Variants in ATF1 observed in about 807,000 individuals in gnomAD.
The protein encoded by ATF1 is activating transcription factor 1.
Under a neutral mutation model 34.7 loss-of-function variants are expected in ATF1, and 16 were observed. The ratio of observed to expected loss-of-function variants is 0.46; its 90% confidence interval spans 0.31 to 0.70. The LOEUF is 0.70. Ranked by LOEUF, ATF1 falls within the 30% of genes least tolerant of loss-of-function variation. ATF1 has a pLI of 0.05. For synonymous variants in ATF1, 105 were observed against 113.1 expected, an observed-to-expected ratio of 0.93 and a Z score of 0.46; for missense variants, 255 against 321.6, an observed-to-expected ratio of 0.79 and a Z score of 1.58.
At chr12:50,794,728 A>G (rs893068148) in intron 2 of ATF1, among the ~76,000 whole-genome samples, 3 of 151,632 alleles carry the variant, frequency 2.0e-5, no homozygotes, top group Non-Finnish European at 4.4e-5. Context: ...GACACCAGCC[A>G]GGGTAACATA....
intron 3 of ATF1, 125 bp from the exon 4 acceptor site, chr12:50,809,331 G>C (rs1021229046): frequency 1.3e-6 from 1 of 798,384 alleles, no homozygotes; most frequent in East Asian, 2.9e-5. Context: ...CCATGATGGC[G>C]CCACTGTACT....
rs752793237 is a variant in ATF1 at position 50,795,960 on chromosome 12, G to A, written c.145G>A (p.Gly49Ser). Residue 49 changes from glycine (G) to serine (S), a missense_variant, in exon 3 of 7, where the codon GGC becomes AGC. This residue lies in a region of ATF1 where 221 missense variants were observed against 250.7 expected (regional missense o/e 0.88). Coordinates refer to ENST00000262053, the MANE Select transcript of ATF1 (RefSeq NM_005171.5). ...GTCCCAGGACTCATCCGACAGCATA[G>A]GCTCCTCACAGAAAGCCCACGGGAT... ...EESQDSSDSI[G>S]SSQKAHGILA... The A allele has an allele frequency of 1.9e-6, 3 of 1,612,938 alleles. No homozygotes were observed. The South Asian group carries it at 3.3e-5, about 18-fold the overall frequency.
In ATF1 at chr12:50,765,922, A is replaced by G. The variant is rs1029134427; in HGVS notation, c.-7+1615A>G. ...ATAACAGTAAAAAGGGGTAACCAGC[A>G]GCCCTTGGGGCTGCTCTGTCTATGG... On this transcript the variant is annotated intron_variant, in intron 1 of 6. Coordinates refer to ENST00000262053, the MANE Select transcript of ATF1 (RefSeq NM_005171.5). 5.3e-5 allele frequency among the ~76,000 whole-genome samples: 8 copies of G among 152,336 alleles called. No individual in the cohort carries two copies. The East Asian group carries it at 1.5e-3, about 29-fold the overall frequency.
intron 3 of ATF1, among the ~76,000 whole-genome samples, chr12:50,804,810 CTTT>C (rs57912155): frequency 7.0e-6 from 1 of 142,824 alleles, no homozygotes. Flanking sequence ...CCAACAAGAT[CTTT>C]TTTTTTTTTT....
intron 2 of ATF1, among the ~76,000 whole-genome samples, chr12:50,785,738 T>C (rs956884231): frequency 1.3e-5 from 2 of 152,124 alleles, no homozygotes; most frequent in Non-Finnish European, 2.9e-5. Context: ...AGTTTTTTGG[T>C]TGGTTCTTGG....
intron 2 of ATF1, among the ~76,000 whole-genome samples, chr12:50,788,587 A>T (rs141511040): frequency 0.01 from 1,588 of 151,788 alleles, 29 homozygotes; most frequent in African/African-American, 0.037. Context: ...CCCTCCAGTG[A>T]TCCTCCTGCC....
chr12:50,763,622 A>AAAAAAG (rs1940544334), upstream of ATF1: 1 of 150,122 alleles, frequency 6.7e-6, no homozygotes, highest in African/African-American at 2.4e-5. Flanking sequence ...TCTCGGAAAA[A>AAAAAAG]AAAAAGAGAC....
intron 6 of ATF1, among the ~76,000 whole-genome samples, 161 bp downstream of exon 6, chr12:50,814,600 A>G (rs1009022324): frequency 6.6e-6 from 1 of 152,170 alleles, no homozygotes; most frequent in Non-Finnish European, 1.5e-5. Flanking sequence ...TAAAATTATA[A>G]TGGAGCTAAA....
intron 3 of ATF1, among the ~76,000 whole-genome samples, chr12:50,800,427 A>G (rs1184582882): frequency 1.3e-5 from 2 of 152,228 alleles, no homozygotes; most frequent in African/African-American, 2.4e-5. Context: ...TATCTGGGCA[A>G]ATATAATGGA....
chr12:50,789,789 A>G (rs570107364), intron 2 of ATF1, among the ~76,000 whole-genome samples: 12 of 152,208 alleles, frequency 7.9e-5, no homozygotes, highest in Non-Finnish European at 1.6e-4. Flanking sequence ...TTGGGGGACC[A>G]GGTCCTCCCT....
chr12:50,811,525 C>T (rs1941736819), intron 4 of ATF1, among the ~76,000 whole-genome samples: 1 of 150,362 alleles, frequency 6.7e-6, no homozygotes, highest in Non-Finnish European at 1.5e-5. Flanking sequence ...AGTTCATGTC[C>T]GTAATCTCAG....
At chr12:50,807,630 AG>A (rs1268414668) in intron 3 of ATF1, among the ~76,000 whole-genome samples, 1 of 152,004 alleles carries the variant, frequency 6.6e-6, no homozygotes, top group East Asian at 1.9e-4. Flanking sequence ...TTTCATTCTA[AG>A]GGCTTTCTTT....
chr12:50,771,149 GCACA>G (rs1940760562), intron 1 of ATF1, among the ~76,000 whole-genome samples: 1 of 152,020 alleles, frequency 6.6e-6, no homozygotes, highest in South Asian at 2.1e-4. Context: ...AGAATTACAG[GCACA>G]CATCACAACG....
Position 50,764,529 on chromosome 12 carries a change from C to T in ATF1, c.-7+222C>T, listed in dbSNP as rs949767814. On this transcript the variant is annotated intron_variant, in intron 1 of 6. Coordinates refer to ENST00000262053, the MANE Select transcript of ATF1 (RefSeq NM_005171.5). ...CTGCGCCCTTCCAGTCGTGCGTCTC[C>T]TCCTTTCCCTCGCCCCCAAATAAAA... 36 of 152,322 alleles carry T rather than the reference C, an allele frequency of 2.4e-4. 1 individual carries two copies. Among genetic ancestry groups the T allele is most frequent in the Admixed American group, 7.9e-4 (12 of 15,280 alleles). The allele number at this position is 152,322 out of a possible 1,614,324, so 9.4% of individuals were successfully genotyped here.
chr12:50,818,670 C>T lies in ATF1; in HGVS notation c.672-965C>T, dbSNP rs187559542. Among the ~76,000 whole-genome samples the T allele has an allele frequency of 6.2e-4, 95 of 152,230 alleles. 1 individual carries two copies. The East Asian group carries it at 0.017, about 28-fold the overall frequency. On this transcript the variant is annotated intron_variant, in intron 6 of 6. Transcript: ENST00000262053. ...TGTTGCCCAGGGTGGAGTGCAGTGG[C>T]GCGATCTTGGCTCACTGCAACCTCC...
intron 3 of ATF1, among the ~76,000 whole-genome samples, chr12:50,808,636 C>T (rs1465707785): frequency 6.6e-6 from 1 of 151,768 alleles, no homozygotes; most frequent in Non-Finnish European, 1.5e-5. Context: ...GCCCTCTTTA[C>T]TCTTTAAACT....
At chr12:50,788,712 G>A (rs1254786856) in intron 2 of ATF1, among the ~76,000 whole-genome samples, 2 of 152,030 alleles carry the variant, frequency 1.3e-5, no homozygotes, top group African/African-American at 4.8e-5. Context: ...GCACTTTTGC[G>A]GTCATTCATG....
chr12:50,779,419 G>T (rs530830945), intron 1 of ATF1, among the ~76,000 whole-genome samples: 2 of 152,220 alleles, frequency 1.3e-5, no homozygotes, highest in African/African-American at 4.8e-5. Context: ...CCAACACTTA[G>T]TATTTTCTGT....
At chr12:50,786,176 A>G (rs1205765373) in intron 2 of ATF1, among the ~76,000 whole-genome samples, 1 of 152,194 alleles carries the variant, frequency 6.6e-6, no homozygotes, top group Admixed American at 6.5e-5. Flanking sequence ...AGTTGTGGCT[A>G]TATAGGTGGT....
Sources: allele counts gnomAD v4.1 joint callset (sites outside exome capture counted in the v4.1 genomes callset), GRCh38; gene constraint gnomAD v4.1.1; regional missense constraint gnomAD v4.1.1; transcripts MANE v1.5; gene names NCBI Gene and HGNC (gene_info 2026-07-23, HGNC 2026-07-21).